The following GLIS3 variants were observed in gnomAD, a reference collection of about 807,000 sequenced individuals.
The protein encoded by GLIS3 is GLIS family zinc finger 3, also known as zinc finger protein GLIS3.
In GLIS3, 53 loss-of-function variants were observed where a neutral mutation model predicts 78.6. That is an observed-to-expected ratio of 0.67 (90% CI 0.54 to 0.85). GLIS3 has a LOEUF of 0.85. Ranked by LOEUF, GLIS3 falls within the 40% of genes least tolerant of loss-of-function variation. GLIS3 has a pLI of 0.00. For missense variants in GLIS3, 1,703 were observed against 1,231.1 expected (o/e 1.38, Z -5.74); for synonymous variants, 684 against 509.9 (o/e 1.34, Z -4.60).
chr9:4,466,909 T>G, the GLIS3 span, among the ~76,000 whole-genome samples: 1 of 152,178 alleles, frequency 6.6e-6, no homozygotes, highest in African/African-American at 2.4e-5. Context: ...AGATGGTACC[T>G]GGAAAATTGG....
chr9:4,321,766 T>C (rs1817532792), intron 2 of GLIS3, among the ~76,000 whole-genome samples: 4 of 152,102 alleles, frequency 2.6e-5, no homozygotes, highest in Admixed American at 2.6e-4. Context: ...TGGAGTGCAG[T>C]GGCATGATCT....
chr9:3,895,261 A>C (rs903015062), intron 7 of GLIS3, among the ~76,000 whole-genome samples: 1 of 152,250 alleles, frequency 6.6e-6, no homozygotes, highest in African/African-American at 2.4e-5. Flanking sequence ...CTCTTAGACT[A>C]TCAGATAAAT....
rs1254984597 is a variant in GLIS3 at position 4,125,882 on chromosome 9, C to T, written c.448G>A (p.Val150Met). Residue 150 changes from valine to methionine, a missense_variant, in exon 3 of 11, where the codon GTG (valine) becomes ATG (methionine). Coordinates refer to ENST00000381971, the MANE Select transcript of GLIS3 (RefSeq NM_001042413.2). Reference sequence around the variant, plus strand: ...ACCATCATGGGACTGCTGGTGACCACTAGATTGTTGCAGCTGCCTTTTCCA... The same window carrying T: ...ACCATCATGGGACTGCTGGTGACCATTAGATTGTTGCAGCTGCCTTTTCCA... ...SIGKGSCNNL[V>M]VTSSPMMVQR... 1 of 1,613,902 alleles carries T rather than the reference C, an allele frequency of 6.2e-7. No individual in the cohort carries two copies. The highest frequency in any genetic ancestry group is 8.5e-7 in the Non-Finnish European group (1 of 1,179,992).
chr9:4,374,590 T>G, the GLIS3 span, among the ~76,000 whole-genome samples: 1 of 152,184 alleles, frequency 6.6e-6, no homozygotes, highest in Non-Finnish European at 1.5e-5. Context: ...TGGGGAACTA[T>G]TCCCCCTTCC....
intron 4 of GLIS3, among the ~76,000 whole-genome samples, chr9:4,029,527 G>T (rs12336713): frequency 0.011 from 1,617 of 152,216 alleles, 27 homozygotes; most frequent in African/African-American, 0.036. Context: ...TGGTGCCATT[G>T]AATAGTAGGT....
At chr9:4,054,256 G>C (rs569777786) in intron 4 of GLIS3, 2 of 812,988 alleles carry the variant, frequency 2.5e-6, no homozygotes, top group South Asian at 1.1e-4. Context: ...CATCCTTCAC[G>C]GTCACTGCTC....
intron 2 of GLIS3, among the ~76,000 whole-genome samples, chr9:4,331,720 G>C (rs367627315): frequency 2.4e-4 from 37 of 152,304 alleles, no homozygotes; most frequent in African/African-American, 8.9e-4. Context: ...ACTTGAGTGT[G>C]AGCCAAAGTT....
chr9:4,367,223 C>G, the GLIS3 span, among the ~76,000 whole-genome samples: 1 of 152,210 alleles, frequency 6.6e-6, no homozygotes, highest in East Asian at 1.9e-4. Flanking sequence ...CACTCTCCAG[C>G]TTCATCAGTT....
At chr9:4,358,061 G>T in the GLIS3 span, among the ~76,000 whole-genome samples, 2 of 152,274 alleles carry the variant, frequency 1.3e-5, no homozygotes, top group South Asian at 2.1e-4. Context: ...GATGAGAAAA[G>T]CAAGGACAAG....
intron 2 of GLIS3, among the ~76,000 whole-genome samples, chr9:4,273,312 G>A (rs369649651): frequency 3.5e-4 from 53 of 152,248 alleles, no homozygotes; most frequent in African/African-American, 1.3e-3. Context: ...ATGCACTTCT[G>A]CACCAAGCAC....
intron 2 of GLIS3, among the ~76,000 whole-genome samples, chr9:4,285,098 G>A (rs1200769290): frequency 1.3e-5 from 2 of 152,142 alleles, no homozygotes; most frequent in African/African-American, 4.8e-5. Context: ...CTATTCTGAA[G>A]GTTGCTAGTA....
intron 4 of GLIS3, among the ~76,000 whole-genome samples, chr9:3,941,199 C>T (rs901607184): frequency 6.6e-6 from 1 of 152,150 alleles, no homozygotes; most frequent in African/African-American, 2.4e-5. Context: ...AAGCATTTTG[C>T]AGAATCTACC....
the GLIS3 span, among the ~76,000 whole-genome samples, chr9:4,429,970 T>C: frequency 2.0e-5 from 3 of 152,244 alleles, no homozygotes; most frequent in South Asian, 2.1e-4. Context: ...GGTCACATAA[T>C]GGTAGATCTA....
chr9:4,281,488 T>A (rs1025539840), intron 2 of GLIS3, among the ~76,000 whole-genome samples: 5 of 152,234 alleles, frequency 3.3e-5, no homozygotes, highest in South Asian at 2.1e-4. Context: ...TCTGACTATA[T>A]GAATTTGACC....
chr9:4,229,871 T>C (rs1177424930), intron 2 of GLIS3, among the ~76,000 whole-genome samples: 2 of 152,260 alleles, frequency 1.3e-5, no homozygotes, highest in African/African-American at 4.8e-5. Context: ...TATTTCTTAA[T>C]ATTATTCTCC....
chr9:3,898,527 C>G (rs1413432728), intron 7 of GLIS3, 164 bp downstream of exon 7: 1 of 749,600 alleles, frequency 1.3e-6, no homozygotes, highest in Non-Finnish European at 2.4e-6. Flanking sequence ...TGCTGCCACA[C>G]CCAGCTCAGG....
chr9:3,959,435 T>A (rs2130875975), intron 4 of GLIS3, among the ~76,000 whole-genome samples: 1 of 152,288 alleles, frequency 6.6e-6, no homozygotes, highest in South Asian at 2.1e-4. Flanking sequence ...TAAGGCAGCT[T>A]TAAAATGACA....
At position 3,827,407 on chromosome 9, in the gene GLIS3, C is replaced by G. The variant is rs1217947301; in HGVS notation, c.*865G>C. 6.6e-6 allele frequency: 1 copy of G among 152,184 alleles called. No homozygotes were observed. Among genetic ancestry groups the G allele is most frequent in the Non-Finnish European group, 1.5e-5 (1 of 68,068 alleles). The allele number at this position is 152,184 out of a possible 1,614,324, so 9.4% of individuals were successfully genotyped here. A position where few individuals can be genotyped will look rare whatever the true frequency, so the allele number is the denominator to read the frequency against. ...GAACACAGTCTTTGAGGTGGAGTTA[C>G]TAAACAGTCAACTCAGGAAGGTTCC... On this transcript the variant is annotated 3_prime_UTR_variant, in exon 11 of 11. Coordinates refer to ENST00000381971, the MANE Select transcript of GLIS3 (RefSeq NM_001042413.2).
At chr9:4,154,750 G>C (rs895799997) in intron 2 of GLIS3, among the ~76,000 whole-genome samples, 2 of 152,102 alleles carry the variant, frequency 1.3e-5, no homozygotes, top group African/African-American at 4.8e-5. Context: ...CTTTGGGGAA[G>C]CAACTTGGTA....
Sources: allele counts gnomAD v4.1 joint callset (sites outside exome capture counted in the v4.1 genomes callset), GRCh38; gene constraint gnomAD v4.1.1; transcripts MANE v1.5; gene names NCBI Gene and HGNC (gene_info 2026-07-23, HGNC 2026-07-21).